Variants in TAOK3 observed in about 807,000 individuals in gnomAD.
TAOK3 encodes the protein TAO kinase 3.
In TAOK3, 40 loss-of-function variants were observed where a neutral mutation model predicts 120.4. That is an observed-to-expected ratio of 0.33 (90% CI 0.26 to 0.43). The LOEUF is 0.43. TAOK3 is among the 20% of genes least tolerant of loss of function. The pLI, the probability that TAOK3 is intolerant of heterozygous loss-of-function variation, is 1.00. For missense variants in TAOK3, 821 were observed against 1,112.1 expected, an observed-to-expected ratio of 0.74 and a Z score of 3.72; for synonymous variants, 355 against 387.5, an observed-to-expected ratio of 0.92 and a Z score of 0.99.
At chr12:118,186,928 T>C (rs888176592) in intron 14 of TAOK3, among the ~76,000 whole-genome samples, 7 of 152,186 alleles carry the variant, frequency 4.6e-5, no homozygotes, top group Non-Finnish European at 1.0e-4. Flanking sequence ...CATGGGCTTC[T>C]TCATATACTT....
chr12:118,272,976 G>GA (rs371957516), intron 1 of TAOK3, among the ~76,000 whole-genome samples: 33 of 145,550 alleles, frequency 2.3e-4, no homozygotes, highest in East Asian at 9.9e-4. Flanking sequence ...AACTTGTCTG[G>GA]AAAAAAAAAA....
intron 1 of TAOK3, among the ~76,000 whole-genome samples, chr12:118,344,251 A>G (rs2141154444): frequency 6.6e-6 from 1 of 150,508 alleles, no homozygotes; most frequent in East Asian, 1.9e-4. Flanking sequence ...CAAAGATTCA[A>G]GCTCTTGATT....
chr12:118,338,583 C>G (rs374950221), intron 1 of TAOK3, among the ~76,000 whole-genome samples: 1 of 145,780 alleles, frequency 6.9e-6, no homozygotes, highest in African/African-American at 2.8e-5. Context: ...GTCAGGAGCT[C>G]GAGACCAGCC....
In TAOK3 at chr12:118,154,252, C is replaced by T. The variant is rs566499051; in HGVS notation, c.2353-1843G>A. On this transcript the variant is annotated intron_variant, in intron 19 of 20. Coordinates refer to ENST00000392533, the MANE Select transcript of TAOK3 (RefSeq NM_016281.4). ...CTATGGTCAATTTAGACCATCTAAA[C>T]ATCTAAATATCTTTAAACATTTAGA... 4.6e-5 allele frequency among the ~76,000 whole-genome samples: 7 copies of T among 152,346 alleles called. No individual in the cohort carries two copies. In the East Asian group the frequency reaches 1.3e-3, roughly 29 times the overall value.
chr12:118,226,540 A>G (rs2039517579), intron 9 of TAOK3, among the ~76,000 whole-genome samples: 1 of 152,134 alleles, frequency 6.6e-6, no homozygotes, highest in African/African-American at 2.4e-5. Flanking sequence ...CTAAAAAAAA[A>G]AAAAAAAAAA....
rs2035173762 is a variant in TAOK3 at position 118,160,879 on chromosome 12, A to T, written c.2140-521T>A. 1.3e-5 allele frequency among the ~76,000 whole-genome samples: 2 copies of T among 152,212 alleles called. No individual in the cohort carries two copies. Among genetic ancestry groups the T allele is most frequent in the African/African-American group, 2.4e-5 (1 of 41,454 alleles). On this transcript the variant is annotated intron_variant, in intron 18 of 20. Transcript: ENST00000392533. This position sits in a 1 kb window ranked among gnomAD's most constrained non-coding sequence, Gnocchi z 4.2. ...GGAGAGTATATGGATGGTACCTTATATCCTAACGCATTTCTACTGGATTTC... is the reference window on the plus strand; with the variant it reads ...GGAGAGTATATGGATGGTACCTTATTTCCTAACGCATTTCTACTGGATTTC...
chr12:118,245,687 G>A (rs1179390107), intron 3 of TAOK3, among the ~76,000 whole-genome samples: 1 of 152,054 alleles, frequency 6.6e-6, no homozygotes, highest in Admixed American at 6.6e-5. Flanking sequence ...CTTTTTGATA[G>A]GCTAAATAGA....
intron 14 of TAOK3, among the ~76,000 whole-genome samples, chr12:118,184,908 T>C (rs2036981306): frequency 6.6e-6 from 1 of 152,210 alleles, no homozygotes; most frequent in Non-Finnish European, 1.5e-5. Context: ...TACCACTGTC[T>C]TCCTCAGGGT....
At chr12:118,192,531 C>T (rs2037487455) in intron 13 of TAOK3, among the ~76,000 whole-genome samples, 1 of 152,152 alleles carries the variant, frequency 6.6e-6, no homozygotes, top group South Asian at 2.1e-4. Flanking sequence ...AGTGGATATT[C>T]ATTTCAAGTG....
intron 1 of TAOK3, among the ~76,000 whole-genome samples, chr12:118,322,347 C>T (rs1198258802): frequency 6.8e-6 from 1 of 146,624 alleles, no homozygotes; most frequent in Non-Finnish European, 1.5e-5. Context: ...TGAAGAAAGA[C>T]ACTGCGTTTG....
intron 9 of TAOK3, among the ~76,000 whole-genome samples, chr12:118,232,390 C>T (rs948565206): frequency 6.6e-6 from 1 of 152,146 alleles, no homozygotes; most frequent in African/African-American, 2.4e-5. Flanking sequence ...CTACATGGGT[C>T]AAATACAGTT....
intron 1 of TAOK3, among the ~76,000 whole-genome samples, chr12:118,293,533 G>T (rs1449583876): frequency 2.0e-5 from 3 of 151,846 alleles, no homozygotes; most frequent in East Asian, 3.9e-4. Flanking sequence ...AAATTAGCTG[G>T]GCGTGGTGGC....
At chr12:118,195,502 T>C (rs2035182330) in intron 13 of TAOK3, among the ~76,000 whole-genome samples, 1 of 152,058 alleles carries the variant, frequency 6.6e-6, no homozygotes, top group African/African-American at 2.4e-5. Flanking sequence ...AGAATTGAGG[T>C]GTGGAATTGT....
chr12:118,270,429 A>T (rs1274033293), intron 1 of TAOK3, among the ~76,000 whole-genome samples: 2 of 152,142 alleles, frequency 1.3e-5, no homozygotes. Context: ...ACTACTTCCT[A>T]TGGGATAAAG....
At chr12:118,234,994 T>C (rs944760352) in intron 8 of TAOK3, among the ~76,000 whole-genome samples, 1 of 152,234 alleles carries the variant, frequency 6.6e-6, no homozygotes. Flanking sequence ...TTTTTTTTAG[T>C]AGACAAGTAA....
chr12:118,175,601 T>G (rs538981017), intron 16 of TAOK3, among the ~76,000 whole-genome samples: 1 of 152,068 alleles, frequency 6.6e-6, no homozygotes, highest in Admixed American at 6.6e-5. Flanking sequence ...CACTCCAGCT[T>G]GGGCAACAAG....
At chr12:118,275,678 T>TA (rs2041878372) in intron 1 of TAOK3, among the ~76,000 whole-genome samples, 1 of 152,226 alleles carries the variant, frequency 6.6e-6, no homozygotes, top group African/African-American at 2.4e-5. Flanking sequence ...ATTAAGTACC[T>TA]AATATTCATC....
rs560771702 is a variant in TAOK3, at chr12:118,150,142, A to C, written c.*855T>G. 1 of 152,558 alleles carries C rather than the reference A, an allele frequency of 6.6e-6. No homozygotes were observed. Among genetic ancestry groups the C allele is most frequent in the Non-Finnish European group, 1.5e-5 (1 of 68,030 alleles). The allele number at this position is 152,558 out of a possible 1,614,324, so 9.5% of individuals were successfully genotyped here. Reference sequence around the variant, plus strand: ...AGGAAGTAAAAAAATTTGATCAGAGAAACAGTTAAAATACAATATGAAAAT... The same window carrying C: ...AGGAAGTAAAAAAATTTGATCAGAGCAACAGTTAAAATACAATATGAAAAT... On this transcript the variant is annotated 3_prime_UTR_variant, in exon 21 of 21. Transcript: ENST00000392533.
chr12:118,233,530 C>T, intron 9 of TAOK3, 144 bp downstream of exon 9: 1 of 632,142 alleles, frequency 1.6e-6, no homozygotes, highest in Non-Finnish European at 2.7e-6. Context: ...ATTCGCATTG[C>T]CTAGCACACA....
Sources: allele counts gnomAD v4.1 joint callset (sites outside exome capture counted in the v4.1 genomes callset), GRCh38; gene constraint gnomAD v4.1.1; non-coding constraint Gnocchi (gnomAD v3.1); transcripts MANE v1.5; gene names NCBI Gene and HGNC (gene_info 2026-07-23, HGNC 2026-07-21).